SNX18: variants seen among roughly 807,000 people sequenced by gnomAD.
SNX18 encodes sorting nexin-18.
SNX18 carries 35 observed loss-of-function variants against 48.7 expected under a neutral mutation model. The observed-to-expected ratio is 0.72, with a 90% CI of 0.55 to 0.95. SNX18 has a LOEUF of 0.95. Among genes scored for constraint, SNX18 ranks in the 40% least tolerant of loss-of-function variants. SNX18 has a pLI of 0.00. For synonymous variants in SNX18, 492 were observed against 384.7 expected, an observed-to-expected ratio of 1.28 and a Z score of -3.26; for missense variants, 824 against 871.0, an observed-to-expected ratio of 0.95 and a Z score of 0.68.
chr5:54,540,321 T>A (rs954890066), intron 1 of SNX18, among the ~76,000 whole-genome samples: 60 of 152,062 alleles, frequency 3.9e-4, no homozygotes, highest in African/African-American at 1.4e-3. Flanking sequence ...ACTCAGATGA[T>A]CCTCCCTCCT....
At chr5:54,522,139 A>G (rs1025091754) in intron 1 of SNX18, among the ~76,000 whole-genome samples, 1 of 152,238 alleles carries the variant, frequency 6.6e-6, no homozygotes, top group Non-Finnish European at 1.5e-5. Context: ...TGTGCGATAC[A>G]TAAGGCTAAA....
the SNX18 span, among the ~76,000 whole-genome samples, chr5:54,612,492 T>G: frequency 6.6e-6 from 1 of 152,258 alleles, no homozygotes; most frequent in South Asian, 2.1e-4. Flanking sequence ...CTCGAACTCC[T>G]GACTTCATGA....
the SNX18 span, among the ~76,000 whole-genome samples, chr5:54,600,558 G>A: frequency 6.6e-6 from 1 of 152,142 alleles, no homozygotes; most frequent in African/African-American, 2.4e-5. Context: ...ATTCAGAATA[G>A]CAAGGACATG....
chr5:54,617,708 CT>C, the SNX18 span, among the ~76,000 whole-genome samples: 1 of 152,076 alleles, frequency 6.6e-6, no homozygotes, highest in Admixed American at 6.6e-5. Flanking sequence ...ATGAATCTCT[CT>C]TTTTTCCCCT....
At position 54,522,010 on chromosome 5, in the gene SNX18, A is replaced by G. The variant is rs561202036; in HGVS notation, c.1621+2437A>G. Among the ~76,000 whole-genome samples the G allele has an allele frequency of 1.8e-4, 28 of 152,356 alleles. No homozygotes were observed. The South Asian group carries it at 5.4e-3, about 29-fold the overall frequency. On this transcript the variant is annotated intron_variant, in intron 1 of 1. Coordinates refer to ENST00000381410, the MANE Select transcript of SNX18 (RefSeq NM_001102575.2). Reference sequence around the variant, plus strand: ...AACATAATCTCTAGGAACTTTGGAAAGAACAGCAGTTGATATTCAGTATAG... The same window carrying G: ...AACATAATCTCTAGGAACTTTGGAAGGAACAGCAGTTGATATTCAGTATAG...
chr5:54,621,746 G>C, the SNX18 span, among the ~76,000 whole-genome samples: 1 of 152,214 alleles, frequency 6.6e-6, no homozygotes, highest in Non-Finnish European at 1.5e-5. Context: ...TGCTCATTTA[G>C]CCACACTCCT....
the SNX18 span, among the ~76,000 whole-genome samples, chr5:54,575,860 G>A: frequency 6.6e-6 from 1 of 152,042 alleles, no homozygotes; most frequent in Non-Finnish European, 1.5e-5. Context: ...ACCCCTAGTG[G>A]CTTCCCCTCA....
At chr5:54,621,792 G>A in the SNX18 span, among the ~76,000 whole-genome samples, 1 of 152,194 alleles carries the variant, frequency 6.6e-6, no homozygotes, top group African/African-American at 2.4e-5. Context: ...AAGCCAGGAT[G>A]CCCTGGAGAC....
the SNX18 span, among the ~76,000 whole-genome samples, chr5:54,566,326 A>G: frequency 6.6e-6 from 1 of 152,212 alleles, no homozygotes; most frequent in East Asian, 1.9e-4. Flanking sequence ...AGTTTTCTCA[A>G]CAAGAAAGGT....
the SNX18 span, among the ~76,000 whole-genome samples, chr5:54,568,881 C>T: frequency 7.2e-6 from 1 of 139,260 alleles, no homozygotes; most frequent in African/African-American, 2.7e-5. Flanking sequence ...CTTGCTCTGT[C>T]TCCCAGGCTG....
chr5:54,560,865 G>C, the SNX18 span, among the ~76,000 whole-genome samples: 1 of 152,148 alleles, frequency 6.6e-6, no homozygotes, highest in Admixed American at 6.5e-5. Context: ...CAGGCTTCCA[G>C]CCCTACAAGG....
At chr5:54,542,072 A>G (rs374781239) in intron 1 of SNX18, among the ~76,000 whole-genome samples, 1 of 152,148 alleles carries the variant, frequency 6.6e-6, no homozygotes, top group East Asian at 1.9e-4. Flanking sequence ...GCCTTTCAGT[A>G]TGGTTTAGTG....
chr5:54,557,161 T>C, the SNX18 span, among the ~76,000 whole-genome samples: 2 of 152,366 alleles, frequency 1.3e-5, no homozygotes, highest in African/African-American at 4.8e-5. Flanking sequence ...AATACACCGA[T>C]TAACTTAATA....
At position 54,519,051 on chromosome 5, in the gene SNX18, C is replaced by G; in HGVS notation, c.1099C>G (p.Pro367Ala). The G allele has an allele frequency of 6.2e-7, 1 of 1,613,682 alleles. No homozygotes were observed. The highest frequency in any genetic ancestry group is 8.5e-7 in the Non-Finnish European group (1 of 1,179,822). ...IWWMNHMASH[P>A]VLAQCDVFQH... ...GTGGATGAACCACATGGCCAGCCAC[C>G]CAGTGCTGGCGCAGTGCGACGTCTT... Residue 367 changes from proline (P) to alanine (A), a missense_variant, in exon 1 of 2, where the codon CCA (proline) becomes GCA (alanine). Transcript: ENST00000381410.
the SNX18 span, chr5:54,644,147 A>G: frequency 6.6e-6 from 1 of 152,256 alleles, no homozygotes. Context: ...TTTCCCTGGC[A>G]TCCGAGAGCC....
At chr5:54,607,220 G>T in the SNX18 span, among the ~76,000 whole-genome samples, 8 of 152,074 alleles carry the variant, frequency 5.3e-5, no homozygotes, top group Non-Finnish European at 8.8e-5. Context: ...GAAAGCCTGG[G>T]TTCTTCTGTT....
At chr5:54,596,190 A>G in the SNX18 span, among the ~76,000 whole-genome samples, 1 of 152,062 alleles carries the variant, frequency 6.6e-6, no homozygotes, top group Non-Finnish European at 1.5e-5. Context: ...AATATCTGTG[A>G]CAAAGCGGAT....
At chr5:54,637,799 G>C in the SNX18 span, among the ~76,000 whole-genome samples, 1 of 152,084 alleles carries the variant, frequency 6.6e-6, no homozygotes, top group Non-Finnish European at 1.5e-5. Context: ...CCTCTGGAGG[G>C]GCCATACTCT....
the SNX18 span, among the ~76,000 whole-genome samples, chr5:54,581,672 G>A: frequency 2.0e-5 from 3 of 152,178 alleles, no homozygotes; most frequent in Non-Finnish European, 2.9e-5. Flanking sequence ...TCCCTTTAGC[G>A]AATGTAGCAA....
Sources: allele counts gnomAD v4.1 joint callset (sites outside exome capture counted in the v4.1 genomes callset), GRCh38; gene constraint gnomAD v4.1.1; transcripts MANE v1.5; gene names NCBI Gene and HGNC (gene_info 2026-07-23, HGNC 2026-07-21).